The following SGMS1 variants were observed in gnomAD, a reference collection of about 807,000 sequenced individuals.
SGMS1 encodes phosphatidylcholine:ceramide cholinephosphotransferase 1.
A neutral mutation model predicts 46.2 loss-of-function variants in SGMS1; 13 were observed. The ratio of observed to expected loss-of-function variants is 0.28; its 90% CI spans 0.18 to 0.45. The LOEUF (loss-of-function observed/expected upper bound fraction) is 0.45. SGMS1 is among the 20% of genes least tolerant of loss of function. The pLI, the probability that SGMS1 is intolerant of heterozygous loss-of-function variation, is 1.00. For synonymous variants in SGMS1, 203 were observed against 187.8 expected, an observed-to-expected ratio of 1.08 and a Z score of -0.66; for missense variants, 324 against 519.9, an observed-to-expected ratio of 0.62 and a Z score of 3.66.
chr10:50,605,780 T>C (rs927003651), intron 1 of SGMS1, among the ~76,000 whole-genome samples: 9 of 152,308 alleles, frequency 5.9e-5, no homozygotes, highest in African/African-American at 1.4e-4. Flanking sequence ...ATGGGGTACA[T>C]CTGCAATTTT....
At position 50,490,554 on chromosome 10, in the gene SGMS1, C is replaced by T. The variant is rs543183171; in HGVS notation, c.-497-23622G>A. Among the ~76,000 whole-genome samples, 3 of 152,292 alleles carry T rather than the reference C, an allele frequency of 2.0e-5. No homozygotes were observed. The South Asian group carries it at 6.2e-4, about 32-fold the overall frequency. On this transcript the variant is annotated intron_variant, in intron 3 of 10. Transcript: ENST00000361781. ...ATATGGTTTCTCGTTAGCTCTGTGA[C>T]CTTTAATGACCTAAGCTGAAGTCAT...
At chr10:50,451,566 T>G (rs1459522246) in intron 5 of SGMS1, among the ~76,000 whole-genome samples, 1 of 152,192 alleles carries the variant, frequency 6.6e-6, no homozygotes, top group Non-Finnish European at 1.5e-5. Context: ...AATGTGGCAA[T>G]GCAGACTGAG....
chr10:50,312,204 T>C (rs1450111757), intron 8 of SGMS1, among the ~76,000 whole-genome samples: 2 of 152,164 alleles, frequency 1.3e-5, no homozygotes, highest in Non-Finnish European at 2.9e-5. Flanking sequence ...CCAATTTAAT[T>C]ACCATGATTT....
Position 50,527,702 on chromosome 10 carries a change from C to T in SGMS1, c.-588-7781G>A, listed in dbSNP as rs1837916496. On this transcript the variant is annotated intron_variant, in intron 2 of 10. Transcript: ENST00000361781. ...ACACATAACAGGAAGAAGAAAAGGCCTTTAACTACAAAATGATGTGTTTAA... is the reference window on the plus strand; with the variant it reads ...ACACATAACAGGAAGAAGAAAAGGCTTTTAACTACAAAATGATGTGTTTAA... Among the ~76,000 whole-genome samples the T allele has an allele frequency of 2.6e-5, 4 of 152,148 alleles. No homozygotes were observed. In the South Asian group the frequency reaches 8.3e-4, roughly 32 times the overall value.
chr10:50,326,880 T>G (rs959071984), intron 8 of SGMS1, among the ~76,000 whole-genome samples: 5 of 152,054 alleles, frequency 3.3e-5, no homozygotes, highest in Admixed American at 3.3e-4. Flanking sequence ...AATCGAGCTC[T>G]CCCTCCGAGG....
chr10:50,515,486 G>A (rs950601727), intron 3 of SGMS1, among the ~76,000 whole-genome samples: 1 of 152,130 alleles, frequency 6.6e-6, no homozygotes, highest in South Asian at 2.1e-4. Context: ...AAGTTCAAAG[G>A]GCCAGTTACT....
At chr10:50,605,172 G>A (rs545734069) in intron 1 of SGMS1, among the ~76,000 whole-genome samples, 2 of 152,324 alleles carry the variant, frequency 1.3e-5, no homozygotes, top group African/African-American at 4.8e-5. Context: ...TCAGTGGGGA[G>A]CATACTGCTC....
chr10:50,459,789 C>T (rs1041327593), intron 5 of SGMS1, among the ~76,000 whole-genome samples: 5 of 152,222 alleles, frequency 3.3e-5, no homozygotes, highest in African/African-American at 1.2e-4. Flanking sequence ...AAGACAGACT[C>T]AGTGCTGAAT....
At chr10:50,552,814 A>G (rs1288571504) in intron 2 of SGMS1, among the ~76,000 whole-genome samples, 1 of 152,210 alleles carries the variant, frequency 6.6e-6, no homozygotes, top group East Asian at 1.9e-4. Context: ...TGGGCTCTAA[A>G]TGCAATCAAA....
At chr10:50,397,161 C>T (rs999978569) in intron 6 of SGMS1, among the ~76,000 whole-genome samples, 1 of 152,134 alleles carries the variant, frequency 6.6e-6, no homozygotes, top group Admixed American at 6.6e-5. Flanking sequence ...ATTTAGAGAA[C>T]TTGTACATTC....
At chr10:50,484,071 A>C (rs1232725588) in intron 3 of SGMS1, among the ~76,000 whole-genome samples, 1 of 152,086 alleles carries the variant, frequency 6.6e-6, no homozygotes, top group Admixed American at 6.6e-5. Flanking sequence ...ATAGAGATGC[A>C]AAAAAACCCT....
At chr10:50,365,259 A>AAAAAAAAAAAAAAAAAAAAAAAG (rs1848317988) in intron 6 of SGMS1, among the ~76,000 whole-genome samples, 1 of 145,040 alleles carries the variant, frequency 6.9e-6, no homozygotes, top group Non-Finnish European at 1.5e-5. Flanking sequence ...TCTCACCAAA[A>AAAAAAAAAAAAAAAAAAAAAAAG]AAAAAAAAAA....
At chr10:50,424,912 CAAAA>C (rs55683387) in intron 6 of SGMS1, among the ~76,000 whole-genome samples, 4 of 52,160 alleles carry the variant, frequency 7.7e-5, no homozygotes, top group Non-Finnish European at 1.1e-4. Context: ...AACTCCGTCT[CAAAA>C]AAAAAAAAAA....
upstream of SGMS1, chr10:50,624,053 G>A: frequency 3.0e-6 from 3 of 985,386 alleles, no homozygotes; most frequent in Non-Finnish European, 3.6e-6. Flanking sequence ...GGGGCGGGCC[G>A]GCCGGGCGGG....
At chr10:50,543,966 AT>A (rs1404713767) in intron 2 of SGMS1, among the ~76,000 whole-genome samples, 2 of 152,328 alleles carry the variant, frequency 1.3e-5, no homozygotes, top group Admixed American at 1.3e-4. Flanking sequence ...TCCAAGAGCC[AT>A]CCCCAAAATG....
At chr10:50,574,647 A>ATTCAGTTGTG (rs1170886748) in intron 2 of SGMS1, among the ~76,000 whole-genome samples, 2 of 152,180 alleles carry the variant, frequency 1.3e-5, no homozygotes, top group East Asian at 3.9e-4. Context: ...TATATCCAAA[A>ATTCAGTTGTG]GAACTGAAAT....
intron 5 of SGMS1, among the ~76,000 whole-genome samples, chr10:50,445,068 AT>A (rs1252651193): frequency 1.3e-5 from 2 of 152,218 alleles, no homozygotes; most frequent in Non-Finnish European, 2.9e-5. Context: ...AAGATACTTC[AT>A]AAAAGAGGAC....
At position 50,344,138 on chromosome 10, in the gene SGMS1, C is replaced by T. The variant is rs1203369439; in HGVS notation, c.-24G>A. On this transcript the variant is annotated 5_prime_UTR_variant, in exon 7 of 11. Coordinates refer to ENST00000361781, the MANE Select transcript of SGMS1 (RefSeq NM_147156.4). ...ATTGTACTGGCAGACAGCAGGCAGT[C>T]CCCAGCTCTCTCTTGGCAGGTCAGC... The T allele has an allele frequency of 3.2e-6, 5 of 1,571,978 alleles. No homozygotes were observed. The highest frequency in any genetic ancestry group is 2.4e-5 in the South Asian group (2 of 84,272).
intron 6 of SGMS1, among the ~76,000 whole-genome samples, chr10:50,359,211 C>T (rs1848206107): frequency 6.6e-6 from 1 of 152,182 alleles, no homozygotes; most frequent in African/African-American, 2.4e-5. Flanking sequence ...AGACTTTAGG[C>T]TGTTAGAAGA....
Sources: gnomAD v4.1 joint callset for allele counts (sites outside exome capture counted in the v4.1 genomes callset) on GRCh38, gnomAD v4.1.1 for gene constraint, MANE v1.5 for transcripts, NCBI Gene and HGNC (gene_info 2026-07-23, HGNC 2026-07-21) for gene names.